The following TMPRSS15 variants were observed in gnomAD, a reference collection of about 807,000 sequenced individuals.
TMPRSS15 encodes the protein enteropeptidase.
TMPRSS15 carries 128 observed loss-of-function variants against 125.3 expected under a neutral mutation model. The ratio of observed to expected loss-of-function variants is 1.02; its 90% CI spans 0.89 to 1.18. The LOEUF (loss-of-function observed/expected upper bound fraction) is 1.18. Among genes scored for constraint, TMPRSS15 ranks in the 50% most tolerant of loss-of-function variants. The pLI, the probability that TMPRSS15 is intolerant of heterozygous loss-of-function variation, is 0.00. For synonymous variants in TMPRSS15, 446 were observed against 423.2 expected, an observed-to-expected ratio of 1.05 and a Z score of -0.66; for missense variants, 1,283 against 1,212.7, an observed-to-expected ratio of 1.06 and a Z score of -0.86.
At chr21:18,428,923 C>A (rs1262517786) in intron 1 of TMPRSS15, among the ~76,000 whole-genome samples, 4 of 152,260 alleles carry the variant, frequency 2.6e-5, no homozygotes, top group South Asian at 2.1e-4. Flanking sequence ...ACAGCTTGCA[C>A]TGTTCACCTG....
At chr21:18,306,705 C>T (rs568707300) in intron 18 of TMPRSS15, among the ~76,000 whole-genome samples, 1 of 151,756 alleles carries the variant, frequency 6.6e-6, no homozygotes, top group South Asian at 2.1e-4. Flanking sequence ...CAGGGTAAAT[C>T]AGCTATATCA....
At chr21:18,433,741 G>C (rs980711609) in intron 1 of TMPRSS15, among the ~76,000 whole-genome samples, 1 of 151,146 alleles carries the variant, frequency 6.6e-6, no homozygotes, top group African/African-American at 2.4e-5. Context: ...TTTGGTAAGG[G>C]CCGAGTATGT....
intron 21 of TMPRSS15, among the ~76,000 whole-genome samples, chr21:18,289,762 C>T (rs1353668054): frequency 6.6e-6 from 1 of 151,852 alleles, no homozygotes; most frequent in East Asian, 2.0e-4. Flanking sequence ...GACTGTGATC[C>T]AGACTGTAAA....
intron 13 of TMPRSS15, among the ~76,000 whole-genome samples, chr21:18,340,553 A>G (rs2146984161): frequency 6.6e-6 from 1 of 152,274 alleles, no homozygotes; most frequent in East Asian, 1.9e-4. Flanking sequence ...CATCTATCCT[A>G]TGAGTTCTGT....
intron 1 of TMPRSS15, among the ~76,000 whole-genome samples, chr21:18,435,825 T>C (rs1282612060): frequency 3.3e-5 from 5 of 152,212 alleles, no homozygotes; most frequent in Non-Finnish European, 5.9e-5. Flanking sequence ...TATTGGTCTA[T>C]TCAGAGATTC....
At chr21:18,291,836 GT>G (rs1209859448) in intron 21 of TMPRSS15, among the ~76,000 whole-genome samples, 2 of 152,148 alleles carry the variant, frequency 1.3e-5, no homozygotes, top group Non-Finnish European at 2.9e-5. Flanking sequence ...CAGAATTCTA[GT>G]ACAACTTACC....
rs957646012 is a variant in TMPRSS15 at position 18,453,265 on chromosome 21, T to C, written c.10+32534A>G. Among the ~76,000 whole-genome samples, 7 of 152,314 alleles carry C rather than the reference T, an allele frequency of 4.6e-5. No individual in the cohort carries two copies. The South Asian group carries it at 1.0e-3, about 23-fold the overall frequency. The stretch of plus-strand genomic sequence containing the variant: ...TCTCAAAAATCTCACAAAATAAATC[T>C]GATTATATTTCCATGAAGGCCCTCC... On this transcript the variant is annotated intron_variant, in intron 1 of 7. Coordinates refer to the TMPRSS15 transcript ENST00000422787.
chr21:18,295,025 G>A (rs2074886051), intron 19 of TMPRSS15, among the ~76,000 whole-genome samples: 1 of 152,190 alleles, frequency 6.6e-6, no homozygotes, highest in African/African-American at 2.4e-5. Flanking sequence ...GATAGATATT[G>A]TTATGTTACT....
upstream of TMPRSS15, among the ~76,000 whole-genome samples, chr21:18,404,933 G>A (rs2076137463): frequency 6.6e-6 from 1 of 151,844 alleles, no homozygotes; most frequent in Non-Finnish European, 1.5e-5. Context: ...ATATATATAT[G>A]AAATCAGAGA....
chr21:18,291,752 GAA>G (rs11342942), intron 21 of TMPRSS15, among the ~76,000 whole-genome samples: 8 of 151,546 alleles, frequency 5.3e-5, no homozygotes, highest in East Asian at 3.9e-4. Flanking sequence ...AGGCATTAGA[GAA>G]AAAAAAAATA....
chr21:18,455,175 T>G (rs1259219900), intron 1 of TMPRSS15, among the ~76,000 whole-genome samples: 1 of 152,158 alleles, frequency 6.6e-6, no homozygotes, highest in Non-Finnish European at 1.5e-5. Flanking sequence ...TGATTGTAAG[T>G]TTCATGAGGC....
At chr21:18,278,818 G>A in intron 23 of TMPRSS15, 146 bp downstream of exon 23, 1 of 583,054 alleles carries the variant, frequency 1.7e-6, no homozygotes, top group Non-Finnish European at 3.1e-6. Context: ...ATATGTACAT[G>A]CTTGACGGTA....
At chr21:18,439,350 C>G (rs2076236019) in intron 1 of TMPRSS15, among the ~76,000 whole-genome samples, 3 of 152,118 alleles carry the variant, frequency 2.0e-5, no homozygotes, top group Admixed American at 2.0e-4. Context: ...AGATATTCAT[C>G]AAGATAACAG....
At position 18,310,470 on chromosome 21, in the gene TMPRSS15, A is replaced by T. The variant is rs184385506; in HGVS notation, c.2165+2475T>A. On this transcript the variant is annotated intron_variant, in intron 18 of 24. Transcript: ENST00000284885. ...AATCCCATCTACAACAATCACAAAAAAAAACAAACACCTAGAAATAAATTT... is the reference window on the plus strand; with the variant it reads ...AATCCCATCTACAACAATCACAAAATAAAACAAACACCTAGAAATAAATTT... Among the ~76,000 whole-genome samples, 245 of 152,260 alleles carry T rather than the reference A, an allele frequency of 1.6e-3. 2 individuals carry two copies. Among genetic ancestry groups the T allele is most frequent in the Non-Finnish European group, 3.0e-3 (204 of 68,000 alleles).
chr21:18,423,160 G>A (rs928080551), intron 1 of TMPRSS15, among the ~76,000 whole-genome samples: 3 of 152,086 alleles, frequency 2.0e-5, no homozygotes, highest in Non-Finnish European at 4.4e-5. Context: ...TTACTCTTGT[G>A]GCGTCTCCTC....
intron 8 of TMPRSS15, among the ~76,000 whole-genome samples, chr21:18,358,095 A>T (rs1179300726): frequency 6.6e-6 from 1 of 151,814 alleles, no homozygotes; most frequent in Non-Finnish European, 1.5e-5. Flanking sequence ...ATTGCATATT[A>T]GTCACATCTC....
At chr21:18,446,578 C>A (rs1456698645) in intron 1 of TMPRSS15, among the ~76,000 whole-genome samples, 1 of 152,078 alleles carries the variant, frequency 6.6e-6, no homozygotes, top group Non-Finnish European at 1.5e-5. Flanking sequence ...ACCAAATAAG[C>A]ATGGTACTTG....
intron 1 of TMPRSS15, among the ~76,000 whole-genome samples, chr21:18,450,799 A>T (rs2076266761): frequency 6.6e-6 from 1 of 152,206 alleles, no homozygotes; most frequent in Non-Finnish European, 1.5e-5. Context: ...TTTCAAATAA[A>T]ATACTGGAAG....
At chr21:18,440,406 T>C (rs1190341877) in intron 1 of TMPRSS15, among the ~76,000 whole-genome samples, 5 of 140,088 alleles carry the variant, frequency 3.6e-5, no homozygotes, top group Non-Finnish European at 7.9e-5. Flanking sequence ...TGTAGTGATG[T>C]GTATTTTCAT....
Sources: allele counts gnomAD v4.1 joint callset (sites outside exome capture counted in the v4.1 genomes callset), GRCh38; gene constraint gnomAD v4.1.1; transcripts MANE v1.5; gene names NCBI Gene and HGNC (gene_info 2026-07-23, HGNC 2026-07-21).